The following PSG2 variants were observed in gnomAD, a reference collection of about 807,000 sequenced individuals.
PSG2 encodes the protein pregnancy specific beta-1-glycoprotein 2, also known as pregnancy-specific beta-1-glycoprotein 2.
PSG2 carries 49 observed loss-of-function variants against 36.2 expected under a neutral mutation model. The ratio of observed to expected loss-of-function variants is 1.35; its 90% confidence interval spans 1.08 to 1.72. The LOEUF is 1.72. Among genes scored for constraint, PSG2 ranks in the 40% most tolerant of loss-of-function variants. The probability of loss-of-function intolerance (pLI) is 0.00; values close to 1 mark genes in which losing one functional copy is unlikely to be tolerated. For synonymous variants in PSG2, 261 were observed against 155.6 expected, an observed-to-expected ratio of 1.68 and a Z score of -5.04; for missense variants, 605 against 407.2, an observed-to-expected ratio of 1.49 and a Z score of -4.18.
chr19:43,071,533 G>T (rs1195821591), intron 4 of PSG2, among the ~76,000 whole-genome samples, 167 bp downstream of exon 4: 1 of 151,550 alleles, frequency 6.6e-6, no homozygotes, highest in Non-Finnish European at 1.5e-5. Flanking sequence ...AAAACAAGGA[G>T]AAGAGAGTTT....
At chr19:43,066,716 T>C (rs1967744590) in intron 4 of PSG2, 116 bp from the exon 5 acceptor site, 3 of 1,381,006 alleles carry the variant, frequency 2.2e-6, no homozygotes, top group Non-Finnish European at 3.0e-6. Flanking sequence ...AAGGACCACA[T>C]TATTTCTCTT....
At chr19:43,074,071 T>G (rs575974780) in intron 3 of PSG2, among the ~76,000 whole-genome samples, 2 of 151,858 alleles carry the variant, frequency 1.3e-5, no homozygotes, top group South Asian at 2.1e-4. Flanking sequence ...GTTTATTTTT[T>G]AAGGCTTTGG....
At chr19:43,067,896 G>T (rs1967763158) in intron 4 of PSG2, among the ~76,000 whole-genome samples, 1 of 151,124 alleles carries the variant, frequency 6.6e-6, no homozygotes. Context: ...AAAGAAGAAA[G>T]ATCTCAGATC....
At chr19:43,072,520 C>A in intron 3 of PSG2, 1 of 1,611,206 alleles carries the variant, frequency 6.2e-7, no homozygotes. Context: ...CATTTAGCCA[C>A]CAAATGTAGG....
chr19:43,074,839 C>T (rs756735608), intron 3 of PSG2, among the ~76,000 whole-genome samples: 1 of 151,704 alleles, frequency 6.6e-6, no homozygotes, highest in Non-Finnish European at 1.5e-5. Context: ...AACTTCCCAT[C>T]AATCAGCCAA....
intron 2 of PSG2, among the ~76,000 whole-genome samples, chr19:43,078,634 T>G (rs1409530713): frequency 2.0e-5 from 3 of 151,528 alleles, no homozygotes; most frequent in African/African-American, 7.3e-5. Flanking sequence ...AGTACTCATT[T>G]TTCAGTCCTG....
chr19:43,082,603 G>C lies in PSG2; in HGVS notation c.-34C>G, dbSNP rs1967997672. Reference sequence around the variant, plus strand: ...CTGCCTGTGTGTTCTCCTCTGTGGAGATGAGCCTAGGATCCAGAAACTTCC... The same window carrying C: ...CTGCCTGTGTGTTCTCCTCTGTGGACATGAGCCTAGGATCCAGAAACTTCC... On this transcript the variant is annotated 5_prime_UTR_variant, in exon 1 of 6. It adds an upstream start codon to the 5' untranslated region. Coordinates refer to ENST00000406487, the MANE Select transcript of PSG2 (RefSeq NM_031246.4). 2 of 1,607,744 alleles carry C rather than the reference G, an allele frequency of 1.2e-6. 1 individual carries two copies. The highest frequency in any genetic ancestry group is 2.7e-5 in the African/African-American group (2 of 73,998).
At chr19:43,077,441 C>T (rs967346563) in intron 2 of PSG2, among the ~76,000 whole-genome samples, 2 of 151,766 alleles carry the variant, frequency 1.3e-5, no homozygotes, top group African/African-American at 4.9e-5. Context: ...GACCCCAAAA[C>T]AGGTATGTGA....
At chr19:43,069,712 C>G (rs1172332964) in intron 4 of PSG2, among the ~76,000 whole-genome samples, 1 of 151,546 alleles carries the variant, frequency 6.6e-6, no homozygotes, top group Non-Finnish European at 1.5e-5. Flanking sequence ...CATAATAGAT[C>G]AAAGATCTAA....
chr19:43,071,814 G>C lies in PSG2; in HGVS notation c.850C>G (p.Gln284Glu). 6.8e-6 allele frequency: 11 copies of C among 1,613,090 alleles called. No individual in the cohort carries two copies. The highest frequency in any genetic ancestry group is 8.5e-6 in the Non-Finnish European group (10 of 1,179,564). The change falls in exon 4 of 6, where the codon CAA (glutamine) becomes GAA (glutamate). Residue 284 changes from glutamine (Q) to glutamate (E), a missense_variant. Physicochemically the swap from Gln to Glu is conservative, Grantham distance 29. Transcript: ENST00000406487. ...GTAATTTGGGGGATAAACAGATTTT[G>C]TCCTGATTGCTGAAACTTCCCATTA... The part of the protein sequence containing the change: ...TINGKFQQSG[Q>E]NLFIPQITTK...
intron 2 of PSG2, among the ~76,000 whole-genome samples, chr19:43,076,425 A>G (rs767143019): frequency 6.6e-6 from 1 of 151,788 alleles, no homozygotes; most frequent in Non-Finnish European, 1.5e-5. Flanking sequence ...CTTTCTAGAA[A>G]TACATGTGGA....
intron 4 of PSG2, among the ~76,000 whole-genome samples, chr19:43,069,578 C>G (rs752599989): frequency 4.0e-5 from 6 of 151,626 alleles, no homozygotes; most frequent in African/African-American, 1.2e-4. Context: ...TGATTTTCAT[C>G]GAGTGTGCCA....
In PSG2 at chr19:43,081,129, T is replaced by A; in HGVS notation, c.182A>T (p.Asn61Ile). ...VLLLVHNLPQ[N>I]LTGYIWYKGQ... ...TTTGTACCAGATGTAGCCAGTAAGA[T>A]TCTGGGGCAAATTGTGGACAAGTAG... Residue 61 changes from asparagine to isoleucine, a missense_variant, in exon 2 of 6, where the codon AAT (asparagine) becomes ATT (isoleucine). By Grantham distance (149) the Asn-to-Ile change is moderately radical. Coordinates refer to ENST00000406487, the MANE Select transcript of PSG2 (RefSeq NM_031246.4). 6.2e-7 allele frequency: 1 copy of A among 1,612,722 alleles called. No individual in the cohort carries two copies. The highest frequency in any genetic ancestry group is 1.3e-5 in the African/African-American group (1 of 74,296).
At chr19:43,076,389 A>G (rs1304066383) in intron 2 of PSG2, among the ~76,000 whole-genome samples, 1 of 151,798 alleles carries the variant, frequency 6.6e-6, no homozygotes, top group Non-Finnish European at 1.5e-5. Context: ...TTCCCCCTGT[A>G]GAGGGCAGGT....
At chr19:43,075,246 G>T (rs931992824) in intron 3 of PSG2, 108 bp downstream of exon 3, 3 of 1,604,802 alleles carry the variant, frequency 1.9e-6, no homozygotes, top group African/African-American at 1.3e-5. Context: ...TTGATGCCTA[G>T]GGGTAAAGGT....
chr19:43,068,634 C>G (rs543065855), intron 4 of PSG2, among the ~76,000 whole-genome samples: 30 of 151,572 alleles, frequency 2.0e-4, no homozygotes, highest in South Asian at 4.2e-4. Flanking sequence ...ACTATAATCA[C>G]TAATAAGATT....
chr19:43,073,293 A>C (rs56674937), intron 3 of PSG2, among the ~76,000 whole-genome samples: 3,098 of 151,892 alleles, frequency 0.02, 140 homozygotes, highest in East Asian at 0.095. Flanking sequence ...AGTGCAAGGA[A>C]TGATCTAGAA....
At chr19:43,072,234 G>T in intron 3 of PSG2, 1 of 1,505,470 alleles carries the variant, frequency 6.6e-7, no homozygotes. Flanking sequence ...GTCATGGCCA[G>T]CTTGGATGTC....
chr19:43,070,680 GC>G (rs1317061780), intron 4 of PSG2, among the ~76,000 whole-genome samples: 1 of 151,642 alleles, frequency 6.6e-6, no homozygotes, highest in Admixed American at 6.6e-5. Context: ...AATGGTGGGT[GC>G]TAAGGGTTCG....
Sources: allele counts gnomAD v4.1 joint callset (sites outside exome capture counted in the v4.1 genomes callset), GRCh38; gene constraint gnomAD v4.1.1; transcripts MANE v1.5; gene names NCBI Gene and HGNC (gene_info 2026-07-23, HGNC 2026-07-21).